The following CWC27 variants were observed in gnomAD, a reference collection of about 807,000 sequenced individuals.
CWC27 encodes the protein spliceosome-associated protein CWC27 homolog.
A neutral mutation model predicts 63.6 loss-of-function variants in CWC27; 47 were observed. That is an observed-to-expected ratio of 0.74 (90% CI 0.58 to 0.94). The LOEUF (loss-of-function observed/expected upper bound fraction) is 0.94. Ranked by LOEUF, CWC27 falls within the 40% of genes least tolerant of loss-of-function variation. The probability of loss-of-function intolerance (pLI) is 0.00; values close to 1 mark genes in which losing one functional copy is unlikely to be tolerated. For synonymous variants in CWC27, 175 were observed against 179.8 expected, an observed-to-expected ratio of 0.97 and a Z score of 0.22; for missense variants, 495 against 554.3, an observed-to-expected ratio of 0.89 and a Z score of 1.07.
chr5:64,940,872 A>C, intron 11 of CWC27, among the ~76,000 whole-genome samples: 1 of 88,110 alleles, frequency 1.1e-5, no homozygotes, highest in Non-Finnish European at 2.2e-5. Context: ...TTTTTGAGAC[A>C]GTCTTACTTT....
intron 10 of CWC27, among the ~76,000 whole-genome samples, chr5:64,852,478 C>G (rs1580674280): frequency 6.9e-6 from 1 of 145,370 alleles, no homozygotes; most frequent in African/African-American, 2.5e-5. Flanking sequence ...GGACGAAAAC[C>G]TTTTTTTTTT....
At chr5:64,906,769 G>C (rs1280868810) in intron 11 of CWC27, among the ~76,000 whole-genome samples, 2 of 152,182 alleles carry the variant, frequency 1.3e-5, no homozygotes, top group Non-Finnish European at 2.9e-5. Flanking sequence ...GAATGGTATT[G>C]CCTAGGTTTT....
chr5:64,976,653 C>T (rs1444108857), intron 12 of CWC27, among the ~76,000 whole-genome samples: 2 of 152,148 alleles, frequency 1.3e-5, no homozygotes, highest in African/African-American at 4.8e-5. Flanking sequence ...CTGCCTCAGG[C>T]TTCATAGTAG....
chr5:64,859,258 G>A (rs1034936259), intron 10 of CWC27, among the ~76,000 whole-genome samples: 6 of 152,136 alleles, frequency 3.9e-5, no homozygotes, highest in Admixed American at 2.6e-4. Flanking sequence ...GGGAGGGGGT[G>A]GTGGCAGTGG....
chr5:64,965,850 A>T (rs1749003739), intron 11 of CWC27, among the ~76,000 whole-genome samples: 1 of 152,202 alleles, frequency 6.6e-6, no homozygotes, highest in South Asian at 2.1e-4. Flanking sequence ...TGCCTTATAC[A>T]AAACATTTAT....
intron 7 of CWC27, among the ~76,000 whole-genome samples, chr5:64,795,775 A>T (rs1744243864): frequency 6.6e-6 from 1 of 152,082 alleles, no homozygotes; most frequent in East Asian, 1.9e-4. Context: ...GTAAGGTGAT[A>T]TGTTCATAGG....
intron 2 of CWC27, among the ~76,000 whole-genome samples, chr5:64,779,112 G>T (rs1270289815): frequency 3.3e-5 from 5 of 152,052 alleles, no homozygotes; most frequent in Non-Finnish European, 1.5e-5. Flanking sequence ...ATTTTTCATT[G>T]AATGAGTTAT....
chr5:64,786,460 G>T (rs770157681), intron 5 of CWC27, 64 bp from the exon 6 acceptor site: 62 of 932,594 alleles, frequency 6.6e-5, no homozygotes, highest in Non-Finnish European at 9.1e-5. Context: ...AATTACATAC[G>T]GGGTTTGATT....
chr5:64,940,016 C>G (rs1580738889), intron 11 of CWC27, among the ~76,000 whole-genome samples: 1 of 152,208 alleles, frequency 6.6e-6, no homozygotes, highest in African/African-American at 2.4e-5. Flanking sequence ...GTGCTGGCAG[C>G]GAGAATTTCA....
intron 10 of CWC27, among the ~76,000 whole-genome samples, chr5:64,858,348 G>A (rs1644708207): frequency 6.7e-6 from 1 of 149,000 alleles, no homozygotes; most frequent in African/African-American, 2.5e-5. Context: ...TGTAGTCCCA[G>A]CTACTCGGGA....
chr5:64,791,294 G>A (rs1744072427), intron 7 of CWC27, among the ~76,000 whole-genome samples: 1 of 152,164 alleles, frequency 6.6e-6, no homozygotes. Context: ...ACAGCAGCAT[G>A]TGTTAAATGT....
intron 11 of CWC27, among the ~76,000 whole-genome samples, chr5:64,898,706 A>G (rs1747437220): frequency 1.3e-5 from 2 of 152,184 alleles, no homozygotes; most frequent in African/African-American, 4.8e-5. Flanking sequence ...AAAAAATGCC[A>G]TGTTTAAATA....
chr5:64,804,418 T>C, intron 10 of CWC27, 32 bp downstream of exon 10: 1 of 1,533,576 alleles, frequency 6.5e-7, no homozygotes, highest in Non-Finnish European at 8.8e-7. Flanking sequence ...ATATCAGAGT[T>C]TTTGTCTTTT....
chr5:64,914,248 T>C (rs1277600598), intron 11 of CWC27, among the ~76,000 whole-genome samples: 1 of 152,148 alleles, frequency 6.6e-6, no homozygotes, highest in Non-Finnish European at 1.5e-5. Context: ...ATGACCTTCA[T>C]GTAGCGATTG....
intron 13 of CWC27, among the ~76,000 whole-genome samples, chr5:64,989,716 G>A (rs144475281): frequency 4.6e-5 from 7 of 152,268 alleles, no homozygotes; most frequent in Non-Finnish European, 1.0e-4. Context: ...CTGTTTGGTT[G>A]GAGACTCAGG....
At chr5:64,918,638 A>G (rs922337665) in intron 11 of CWC27, among the ~76,000 whole-genome samples, 3 of 152,210 alleles carry the variant, frequency 2.0e-5, no homozygotes, top group Non-Finnish European at 2.9e-5. Context: ...GAAAGTATCT[A>G]TATTATTCTA....
chr5:64,954,342 G>A (rs1580747230), intron 11 of CWC27, among the ~76,000 whole-genome samples: 1 of 152,144 alleles, frequency 6.6e-6, no homozygotes, highest in East Asian at 1.9e-4. Context: ...AGGCTAGAGT[G>A]CAGTAGCACA....
rs1743147524 is a variant in CWC27, at chr5:64,769,187, A to G, written c.41A>G (p.Lys14Arg). 1.9e-6 allele frequency: 3 copies of G among 1,614,002 alleles called. 1 individual carries two copies. In the East Asian group the frequency reaches 6.7e-5, roughly 36 times the overall value. ...ATCCAGGAGCCTCCCACGAATGGGAAGGTGAGAGCCTCATCTAGGGAACTT... is the reference window on the plus strand; with the variant it reads ...ATCCAGGAGCCTCCCACGAATGGGAGGGTGAGAGCCTCATCTAGGGAACTT... ...IYIQEPPTNGKVLLKTTAGDI... is the reference protein window; with the variant it reads ...IYIQEPPTNGRVLLKTTAGDI... The change falls in exon 1 of 14, where the codon AAG (lysine) becomes AGG (arginine). Residue 14 changes from lysine to arginine, a missense_variant and splice_region_variant. Lys to Arg is a conservative substitution (Grantham distance 26, BLOSUM62 2). Coordinates refer to ENST00000381070, the MANE Select transcript of CWC27 (RefSeq NM_005869.4).
At chr5:64,811,142 G>T (rs1203796633) in intron 10 of CWC27, among the ~76,000 whole-genome samples, 1 of 152,000 alleles carries the variant, frequency 6.6e-6, no homozygotes, top group South Asian at 2.1e-4. Context: ...TCCAGCCAAG[G>T]TTGATGAAAA....
Sources: gnomAD v4.1 joint callset for allele counts (sites outside exome capture counted in the v4.1 genomes callset) on GRCh38, gnomAD v4.1.1 for gene constraint, MANE v1.5 for transcripts, NCBI Gene and HGNC (gene_info 2026-07-23, HGNC 2026-07-21) for gene names.